LRMDA: variants seen among roughly 807,000 people sequenced by gnomAD.
LRMDA encodes leucine rich melanocyte differentiation associated, also known as leucine-rich melanocyte differentiation-associated protein.
A neutral mutation model predicts 29.8 loss-of-function variants in LRMDA; 18 were observed. The ratio of observed to expected loss-of-function variants is 0.60; its 90% CI spans 0.42 to 0.90. The LOEUF is 0.90. LRMDA is among the 40% of genes least tolerant of loss of function. The pLI is 0.00. For synonymous variants in LRMDA, 125 were observed against 109.4 expected (o/e 1.14, Z -0.89); for missense variants, 273 against 273.9 (o/e 1.00, Z 0.02).
At chr10:76,372,948 T>TA (rs1256193980) in intron 6 of LRMDA, among the ~76,000 whole-genome samples, 2 of 152,092 alleles carry the variant, frequency 1.3e-5, no homozygotes, top group Non-Finnish European at 2.9e-5. Flanking sequence ...CCATTTTTTT[T>TA]AAAAAGGGTC....
At chr10:75,772,877 G>GC (rs560368082) in intron 2 of LRMDA, among the ~76,000 whole-genome samples, 1 of 125,156 alleles carries the variant, frequency 8.0e-6, no homozygotes, top group South Asian at 3.1e-4. Flanking sequence ...GATGGGGGGG[G>GC]GCAGATTAAT....
chr10:75,729,072 C>T (rs1419218206), intron 2 of LRMDA, among the ~76,000 whole-genome samples: 3 of 152,172 alleles, frequency 2.0e-5, no homozygotes, highest in Non-Finnish European at 2.9e-5. Flanking sequence ...TCTCACTCCC[C>T]CAGCCCTCTC....
At chr10:76,491,649 G>T (rs1239821910) in intron 6 of LRMDA, among the ~76,000 whole-genome samples, 1 of 151,794 alleles carries the variant, frequency 6.6e-6, no homozygotes, top group East Asian at 2.0e-4. Flanking sequence ...ATGTCTTGAG[G>T]TAGTCTTCTT....
At chr10:75,858,274 G>C (rs1326067494) in intron 2 of LRMDA, among the ~76,000 whole-genome samples, 1 of 152,186 alleles carries the variant, frequency 6.6e-6, no homozygotes, top group Non-Finnish European at 1.5e-5. Context: ...CCGGTGAAAA[G>C]ATGCTGATAG....
At chr10:76,051,454 C>T (rs140467376) in intron 4 of LRMDA, among the ~76,000 whole-genome samples, 1 of 152,354 alleles carries the variant, frequency 6.6e-6, no homozygotes, top group Non-Finnish European at 1.5e-5. Flanking sequence ...TAGGTGAGCT[C>T]ACCTCGGCTC....
intron 5 of LRMDA, among the ~76,000 whole-genome samples, chr10:76,117,306 C>G (rs923461967): frequency 6.6e-6 from 1 of 152,190 alleles, no homozygotes; most frequent in African/African-American, 2.4e-5. Flanking sequence ...AGGGCATATT[C>G]ATAACTCTGT....
chr10:76,358,498 C>A (rs567723435), intron 6 of LRMDA, among the ~76,000 whole-genome samples: 1 of 152,294 alleles, frequency 6.6e-6, no homozygotes, highest in East Asian at 1.9e-4. Flanking sequence ...ATGGTTTTCT[C>A]ACCTGAATAT....
intron 6 of LRMDA, among the ~76,000 whole-genome samples, chr10:76,547,055 G>C (rs1843430191): frequency 6.6e-6 from 1 of 151,960 alleles, no homozygotes; most frequent in Non-Finnish European, 1.5e-5. Flanking sequence ...GTGGGGAGGG[G>C]GAGCATTAAA....
At chr10:75,832,537 C>T (rs937647680) in intron 2 of LRMDA, among the ~76,000 whole-genome samples, 4 of 152,224 alleles carry the variant, frequency 2.6e-5, no homozygotes, top group African/African-American at 9.7e-5. Context: ...GTTCCAACCT[C>T]TGCCTGTTAC....
At chr10:75,693,400 G>A (rs1049807225) in intron 2 of LRMDA, among the ~76,000 whole-genome samples, 5 of 152,174 alleles carry the variant, frequency 3.3e-5, no homozygotes, top group African/African-American at 1.2e-4. Context: ...GACAACCTGT[G>A]CTAGTTTACA....
In LRMDA at chr10:75,699,200, C is replaced by CAA. The variant is rs140938454; in HGVS notation, c.131+260722_131+260723dup. ...TAGGCGACAGAGTGAGACTTGGTCT[C>CAA]AAAAAAAAAAAAAAAAATCAAACTT... On this transcript the variant is annotated intron_variant, in intron 2 of 6. Transcript: ENST00000611255. Among the ~76,000 whole-genome samples, 623 of 107,456 alleles carry CAA rather than the reference C, an allele frequency of 5.8e-3. 2 individuals carry two copies. Among genetic ancestry groups the CAA allele is most frequent in the African/African-American group, 0.016 (520 of 31,758 alleles). 70.5% of individuals were successfully genotyped at this position (107,456 alleles called of 152,430 possible). A position where few individuals can be genotyped will look rare whatever the true frequency, so the allele number is the denominator to read the frequency against.
At chr10:75,757,884 C>T (rs1345993330) in intron 2 of LRMDA, among the ~76,000 whole-genome samples, 1 of 151,262 alleles carries the variant, frequency 6.6e-6, no homozygotes, top group Non-Finnish European at 1.5e-5. Context: ...ACTGCAACCT[C>T]CACCTCCTGG....
In LRMDA at chr10:76,476,148, G is replaced by A. The variant is rs191396165; in HGVS notation, c.602-81061G>A. 4.7e-3 allele frequency among the ~76,000 whole-genome samples: 715 copies of A among 152,030 alleles called. 3 individuals are homozygous for A. Among genetic ancestry groups the A allele is most frequent in the African/African-American group, 0.016 (660 of 41,492 alleles). ...AAAAGATCAACAAAACTGATAGACCGCTAGCAAGACTAATAAAGAATAAAA... is the reference window on the plus strand; with the variant it reads ...AAAAGATCAACAAAACTGATAGACCACTAGCAAGACTAATAAAGAATAAAA... On this transcript the variant is annotated intron_variant, in intron 6 of 6. Coordinates refer to ENST00000611255, the MANE Select transcript of LRMDA (RefSeq NM_001305581.2).
At chr10:76,363,123 AAG>A (rs568779708) in intron 6 of LRMDA, among the ~76,000 whole-genome samples, 334 of 18,498 alleles carry the variant, frequency 0.018, 13 homozygotes, top group South Asian at 0.096. Context: ...TAAGGAAAGA[AAG>A]AAAGAAAGAA....
chr10:76,014,143 T>TAATTATATATATATATAA (rs1564630527), intron 2 of LRMDA, among the ~76,000 whole-genome samples: 32 of 37,102 alleles, frequency 8.6e-4, no homozygotes, highest in South Asian at 2.0e-3. Flanking sequence ...TATATATATA[T>TAATTATATATATATATAA]AATTATATAT....
chr10:76,522,083 C>T (rs1589224022), intron 6 of LRMDA, among the ~76,000 whole-genome samples: 1 of 152,160 alleles, frequency 6.6e-6, no homozygotes, highest in South Asian at 2.1e-4. Flanking sequence ...TTACCCAAAC[C>T]TCACTTGTAG....
intron 6 of LRMDA, among the ~76,000 whole-genome samples, chr10:76,383,763 C>A (rs1209295680): frequency 5.3e-5 from 8 of 152,140 alleles, no homozygotes; most frequent in Non-Finnish European, 1.2e-4. Context: ...ACTATCCACC[C>A]TGACTAGAAG....
At chr10:75,866,424 C>T (rs1268222706) in intron 2 of LRMDA, among the ~76,000 whole-genome samples, 3 of 152,196 alleles carry the variant, frequency 2.0e-5, no homozygotes, top group Admixed American at 1.3e-4. Context: ...ATCCAAGTAC[C>T]TGTAGGCATG....
At chr10:76,119,711 AG>A (rs766405536) in intron 5 of LRMDA, among the ~76,000 whole-genome samples, 41 of 152,336 alleles carry the variant, frequency 2.7e-4, no homozygotes, top group Non-Finnish European at 4.4e-4. Flanking sequence ...AGGGACTTCC[AG>A]GAAAGCAGCA....
Sources: gnomAD v4.1 joint callset for allele counts (sites outside exome capture counted in the v4.1 genomes callset) on GRCh38, gnomAD v4.1.1 for gene constraint, MANE v1.5 for transcripts, NCBI Gene and HGNC (gene_info 2026-07-23, HGNC 2026-07-21) for gene names.